Variants in ZKSCAN8 observed in about 807,000 individuals in gnomAD.
ZKSCAN8 encodes the protein zinc finger protein with KRAB and SCAN domains 8.
A neutral mutation model predicts 57.2 loss-of-function variants in ZKSCAN8; 27 were observed. The observed-to-expected ratio is 0.47, with a 90% CI of 0.35 to 0.65. The LOEUF is 0.65. Ranked by LOEUF, ZKSCAN8 falls within the 30% of genes least tolerant of loss-of-function variation. ZKSCAN8 has a pLI of 0.01. For missense variants in ZKSCAN8, 597 were observed against 696.3 expected, an observed-to-expected ratio of 0.86 and a Z score of 1.60; for synonymous variants, 214 against 248.7, an observed-to-expected ratio of 0.86 and a Z score of 1.31.
At position 28,148,471 on chromosome 6, in the gene ZKSCAN8, C is replaced by T; in HGVS notation, c.64C>T (p.Leu22Phe). The T allele has an allele frequency of 6.2e-7, 1 of 1,614,156 alleles. No homozygotes were observed. Among genetic ancestry groups the T allele is most frequent in the South Asian group, 1.1e-5 (1 of 91,080 alleles). Residue 22 changes from leucine (L) to phenylalanine (F), a missense_variant, in exon 2 of 6, where the codon CTT becomes TTT. Transcript: ENST00000330236. ...ACCAGACCAGACTCCTGAAGAGGAT[C>T]TTGTAATCGTCAAGGTAGAGGAGGA... ...SPPDQTPEEDLVIVKVEEDHG... is the reference protein window; with the variant it reads ...SPPDQTPEEDFVIVKVEEDHG...
rs962571476 is a variant in ZKSCAN8 at position 28,157,865 on chromosome 6, G to A, written c.*3848G>A. The A allele has an allele frequency of 6.6e-6, 1 of 152,186 alleles. No individual in the cohort carries two copies. Among genetic ancestry groups the A allele is most frequent in the Non-Finnish European group, 1.5e-5 (1 of 68,034 alleles). The allele number at this position is 152,186 out of a possible 1,614,324, so 9.4% of individuals were successfully genotyped here. ...AAATATCCATGTACCAGGCCAGGCA[G>A]ATGGTCAGTTAGGATGACAATAGTA... On this transcript the variant is annotated 3_prime_UTR_variant, in exon 6 of 6. Coordinates refer to ENST00000330236, the MANE Select transcript of ZKSCAN8 (RefSeq NM_006298.4).
chr6:28,150,517 T>C (rs1765558109), intron 3 of ZKSCAN8, among the ~76,000 whole-genome samples: 1 of 152,206 alleles, frequency 6.6e-6, no homozygotes, highest in African/African-American at 2.4e-5. Flanking sequence ...TTTTTCCCTT[T>C]GTAACTAATA....
intron 1 of ZKSCAN8, among the ~76,000 whole-genome samples, chr6:28,143,591 AT>A (rs1456854004): frequency 1.3e-5 from 2 of 152,100 alleles, no homozygotes; most frequent in African/African-American, 2.4e-5. Flanking sequence ...AATAATAATA[AT>A]ATTTTATAGC....
In ZKSCAN8 at chr6:28,148,296, A is replaced by T; in HGVS notation, c.-92-20A>T. 8.5e-7 allele frequency: 1 copy of T among 1,172,076 alleles called. No individual in the cohort carries two copies. Among genetic ancestry groups the T allele is most frequent in the South Asian group, 1.6e-5 (1 of 61,710 alleles). The allele number at this position is 1,172,076 out of a possible 1,614,324, so 72.6% of individuals were successfully genotyped here. ...ATGACTTTTGACTTGCCTTAACACT[A>T]TCATATTTTCTTCATGAAGAAGTAC... is the stretch of plus-strand genomic sequence containing the variant. On this transcript the variant is annotated intron_variant, in intron 1 of 5. Coordinates refer to ENST00000330236, the MANE Select transcript of ZKSCAN8 (RefSeq NM_006298.4).
At position 28,149,562 on chromosome 6, in the gene ZKSCAN8, C is replaced by G; in HGVS notation, c.497C>G (p.Thr166Ser). Residue 166 changes from threonine (T) to serine (S), a missense_variant, in exon 3 of 6, where the codon ACT becomes AGT. Transcript: ENST00000330236. ...HSASAPEPPNTQLQSEATQHK... is the reference protein window; with the variant it reads ...HSASAPEPPNSQLQSEATQHK... ...GCATCTGCACCAGAGCCTCCAAATA[C>G]TCAGCTCCAATCTGAGGCAACCCAA... The G allele has an allele frequency of 6.2e-7, 1 of 1,614,154 alleles. No individual in the cohort carries two copies. Among genetic ancestry groups the G allele is most frequent in the Non-Finnish European group, 8.5e-7 (1 of 1,180,042 alleles).
Position 28,153,842 on chromosome 6 carries a change from A to G in ZKSCAN8, c.1562A>G (p.Lys521Arg). Reference protein sequence around the residue: ...IHTGERPYKCKECGKAFNGNT... With the variant: ...IHTGERPYKCRECGKAFNGNT... ...ACTGGAGAAAGACCCTATAAATGTA[A>G]AGAATGTGGGAAAGCTTTCAATGGG... Residue 521 changes from lysine to arginine, a missense_variant, in exon 6 of 6, where the codon AAA becomes AGA. Coordinates refer to ENST00000330236, the MANE Select transcript of ZKSCAN8 (RefSeq NM_006298.4). The G allele has an allele frequency of 6.2e-7, 1 of 1,614,146 alleles. No individual in the cohort carries two copies. Among genetic ancestry groups the G allele is most frequent in the Non-Finnish European group, 8.5e-7 (1 of 1,180,016 alleles).
Position 28,153,216 on chromosome 6 carries a change from G to C in ZKSCAN8, c.936G>C (p.Gln312His), listed in dbSNP as rs951893023. The change falls in exon 6 of 6, where the codon CAG (glutamine) becomes CAC (histidine). Residue 312 changes from glutamine (Q) to histidine (H), a missense_variant. Transcript: ENST00000330236. The part of the protein sequence containing the change: ...ARDLLGRLER[Q>H]RGNPTQERRH... ...ACCTTCTGGGCAGATTAGAGAGGCAGCGGGGAAATCCCACACAAGAGAGAC... is the reference window on the plus strand; with the variant it reads ...ACCTTCTGGGCAGATTAGAGAGGCACCGGGGAAATCCCACACAAGAGAGAC... 1.2e-6 allele frequency: 2 copies of C among 1,614,222 alleles called. No homozygotes were observed. The highest frequency in any genetic ancestry group is 1.7e-6 in the Non-Finnish European group (2 of 1,180,040).
Position 28,154,941 on chromosome 6 carries a change from C to G in ZKSCAN8, c.*924C>G, listed in dbSNP as rs1233375714. On this transcript the variant is annotated 3_prime_UTR_variant, in exon 6 of 6. Transcript: ENST00000330236. ...CAGGTAGGAGAAGGAGACGAAGATG[C>G]TTTAGGAAGATAAAAACCTTACAAA... The G allele has an allele frequency of 6.6e-6, 1 of 152,574 alleles. No homozygotes were observed. The highest frequency in any genetic ancestry group is 1.5e-5 in the Non-Finnish European group (1 of 68,058). 9.5% of individuals were successfully genotyped at this position (152,574 alleles called of 1,614,324 possible). A position where few individuals can be genotyped will look rare whatever the true frequency, so the allele number is the denominator to read the frequency against.
At chr6:28,152,710 C>T (rs1390355401) in intron 5 of ZKSCAN8, among the ~76,000 whole-genome samples, 1 of 152,162 alleles carries the variant, frequency 6.6e-6, no homozygotes, top group Non-Finnish European at 1.5e-5. Flanking sequence ...ATTGTATCTC[C>T]TCCCTTTTGA....
chr6:28,149,317 G>T (rs572664053), intron 2 of ZKSCAN8, among the ~76,000 whole-genome samples, 166 bp from the exon 3 acceptor site: 11 of 152,242 alleles, frequency 7.2e-5, no homozygotes, highest in African/African-American at 2.6e-4. Flanking sequence ...CTTTCTTTCT[G>T]TGCTCATTAC....
intron 1 of ZKSCAN8, chr6:28,142,358 T>G (rs1456389994): frequency 6.6e-6 from 1 of 152,236 alleles, no homozygotes; most frequent in East Asian, 1.9e-4. Flanking sequence ...TGAATTGTTT[T>G]CACTTAGCGC....
Position 28,153,702 on chromosome 6 carries a change from C to T in ZKSCAN8, c.1422C>T (p.Ser474=), listed in dbSNP as rs780149174. The change falls in exon 6 of 6, where the codon AGC becomes AGT. Residue 474 remains serine (S), a synonymous_variant. Coordinates refer to ENST00000330236, the MANE Select transcript of ZKSCAN8 (RefSeq NM_006298.4). ...AGTGTGGGAAAACCTTCAGGCGGAG[C>T]TCACATCTTATTGGTCATCAGAGGA... is the stretch of plus-strand genomic sequence containing the variant. The part of the protein sequence containing the change: ...CDECGKTFRR[S]SHLIGHQRSH... The T allele has an allele frequency of 1.4e-5, 23 of 1,613,388 alleles. No individual in the cohort carries two copies. The African/African-American group carries it at 1.9e-4, about 13-fold the overall frequency.
chr6:28,153,605 CT>C lies in ZKSCAN8; in HGVS notation c.1328del (p.Phe443SerfsTer95). The C allele has an allele frequency of 6.2e-7, 1 of 1,613,910 alleles. No homozygotes were observed. Among genetic ancestry groups the C allele is most frequent in the South Asian group, 1.1e-5 (1 of 91,070 alleles). On this transcript the variant is annotated frameshift_variant, in exon 6 of 6. Transcript: ENST00000330236. LOFTEE classifies it high-confidence loss of function. ...RPYECNECGK[A>X]FSHSSHLIGH... is the part of the protein sequence containing the mutation. ...TATGAATGTAATGAGTGTGGGAAAG[CT>C]TTCAGTCATAGCTCACACCTCATTG...
chr6:28,152,445 G>A (rs911804166), intron 5 of ZKSCAN8, 61 bp downstream of exon 5: 3 of 1,539,264 alleles, frequency 1.9e-6, no homozygotes, highest in African/African-American at 2.8e-5. Context: ...TTGTTTATGT[G>A]TATAGTAGCT....
In ZKSCAN8 at chr6:28,151,919, C is replaced by T. The variant is rs1258847752; in HGVS notation, c.634C>T (p.Leu212Phe). Residue 212 changes from leucine (L) to phenylalanine (F), a missense_variant, in exon 4 of 6, where the codon CTC becomes TTC. Leu to Phe is a conservative substitution (Grantham distance 22, BLOSUM62 0). Coordinates refer to ENST00000330236, the MANE Select transcript of ZKSCAN8 (RefSeq NM_006298.4). Reference protein sequence around the residue: ...SGDQEMTATLLTAGFQTLEKI... With the variant: ...SGDQEMTATLFTAGFQTLEKI... ...AGACCAGGAAATGACAGCTACACTT[C>T]TCACAGCAGGGTTCCAGGTGAGTTG... The T allele has an allele frequency of 4.3e-6, 7 of 1,614,172 alleles. No homozygotes were observed. The South Asian group carries it at 7.7e-5, about 18-fold the overall frequency.
chr6:28,148,792 T>C lies in ZKSCAN8; in HGVS notation c.385T>C (p.Leu129=). 6.2e-7 allele frequency: 1 copy of C among 1,613,782 alleles called. No individual in the cohort carries two copies. Among genetic ancestry groups the C allele is most frequent in the South Asian group, 1.1e-5 (1 of 91,062 alleles). The change falls in exon 2 of 6, where the codon TTG becomes CTG. Residue 129 remains leucine (L), a synonymous_variant. Coordinates refer to ENST00000330236, the MANE Select transcript of ZKSCAN8 (RefSeq NM_006298.4). Reference sequence around the variant, plus strand: ...GGAGGTGGTGACCCTATTAGAGGATTTGGAAAGGCAGATTGATATACTAGG... The same window carrying C: ...GGAGGTGGTGACCCTATTAGAGGATCTGGAAAGGCAGATTGATATACTAGG... ...GEEVVTLLED[L]ERQIDILGRP...
At chr6:28,149,459 T>C (rs1765518257) in intron 2 of ZKSCAN8, 24 bp from the exon 3 acceptor site, 4 of 1,612,856 alleles carry the variant, frequency 2.5e-6, no homozygotes, top group Non-Finnish European at 2.5e-6. Context: ...GATTCCTTAT[T>C]ATCCAACTGT....
chr6:28,148,375 T>G lies in ZKSCAN8; in HGVS notation c.-33T>G. The stretch of plus-strand genomic sequence containing the variant: ...TCTCTTAAGAAGATAAAGAAGGTAG[T>G]GGAAACGAACTTCCTGAGCTTTTCA... On this transcript the variant is annotated 5_prime_UTR_variant, in exon 2 of 6. Transcript: ENST00000330236. 1 of 1,585,552 alleles carries G rather than the reference T, an allele frequency of 6.3e-7. No individual in the cohort carries two copies. Among genetic ancestry groups the G allele is most frequent in the Non-Finnish European group, 8.6e-7 (1 of 1,165,998 alleles).
chr6:28,149,450 A>T (rs1486526231), intron 2 of ZKSCAN8, 33 bp from the exon 3 acceptor site: 2 of 1,611,344 alleles, frequency 1.2e-6, no homozygotes. Flanking sequence ...TCGCAAAGGG[A>T]TTCCTTATTA....
Sources: allele counts gnomAD v4.1 joint callset (sites outside exome capture counted in the v4.1 genomes callset), GRCh38; gene constraint gnomAD v4.1.1; transcripts MANE v1.5; gene names NCBI Gene and HGNC (gene_info 2026-07-23, HGNC 2026-07-21).